ZNF611: variants seen among roughly 807,000 people sequenced by gnomAD.
The protein encoded by ZNF611 is zinc finger protein 611.
A neutral mutation model predicts 8.9 loss-of-function variants in ZNF611; 6 were observed. The ratio of observed to expected loss-of-function variants is 0.68; its 90% CI spans 0.37 to 1.34. The LOEUF (loss-of-function observed/expected upper bound fraction) is 1.34. ZNF611 is among the 40% of genes most tolerant of loss of function. The pLI is 0.02. For synonymous variants in ZNF611, 262 were observed against 279.7 expected (o/e 0.94, Z 0.63); for missense variants, 874 against 841.3 (o/e 1.04, Z -0.48).
chr19:52,707,386 G>C (rs1176553478), intron 5 of ZNF611: 1 of 151,536 alleles, frequency 6.6e-6, no homozygotes, highest in Non-Finnish European at 1.5e-5. Flanking sequence ...GATAAGAAAA[G>C]ATTACAAAAA....
chr19:52,728,656 C>G (rs1220732427), intron 3 of ZNF611, 74 bp downstream of exon 3: 1 of 152,188 alleles, frequency 6.6e-6, no homozygotes, highest in Non-Finnish European at 1.5e-5. Flanking sequence ...AAATCTCTTT[C>G]TTTATTTTCA....
Position 52,704,894 on chromosome 19 carries a change from G to C in ZNF611, c.*43C>G, listed in dbSNP as rs1335821161. On this transcript the variant is annotated 3_prime_UTR_variant, in exon 6 of 6. Coordinates refer to ENST00000652185, the MANE Select transcript of ZNF611 (RefSeq NM_001161499.2). ...AGTATAAATTCTCCTATGTCTTTAA[G>C]GTGTGATTTCCAAATGGAAACTTTG... 6.2e-7 allele frequency: 1 copy of C among 1,611,434 alleles called. No individual in the cohort carries two copies. Among genetic ancestry groups the C allele is most frequent in the South Asian group, 1.1e-5 (1 of 90,738 alleles).
intron 1 of ZNF611, among the ~76,000 whole-genome samples, chr19:52,734,547 G>T (rs1208794726): frequency 1.9e-5 from 1 of 52,530 alleles, no homozygotes; most frequent in East Asian, 7.9e-4. Context: ...GGGGGGGGGG[G>T]GCGCGACGGC....
chr19:52,713,488 G>T (rs147388223), intron 5 of ZNF611, among the ~76,000 whole-genome samples: 1 of 152,114 alleles, frequency 6.6e-6, no homozygotes, highest in Non-Finnish European at 1.5e-5. Flanking sequence ...TGATGTCCTC[G>T]CTGGGAGGAA....
intron 4 of ZNF611, among the ~76,000 whole-genome samples, chr19:52,715,007 A>G (rs2062307189): frequency 6.6e-6 from 1 of 152,050 alleles, no homozygotes; most frequent in African/African-American, 2.4e-5. Context: ...ACACACACAA[A>G]AACAAAACAA....
At chr19:52,731,050 C>T (rs1471727487) in intron 1 of ZNF611, among the ~76,000 whole-genome samples, 3 of 151,958 alleles carry the variant, frequency 2.0e-5, no homozygotes, top group African/African-American at 4.8e-5. Flanking sequence ...TGCATGCCAC[C>T]ACCCCTGGCT....
intron 3 of ZNF611, among the ~76,000 whole-genome samples, chr19:52,721,754 G>A (rs2062361755): frequency 1.3e-5 from 2 of 151,906 alleles, no homozygotes; most frequent in South Asian, 4.2e-4. Context: ...AGAGAGAGAG[G>A]GAGAGGGAGA....
At chr19:52,726,313 TC>T (rs2062392914) in intron 3 of ZNF611, among the ~76,000 whole-genome samples, 2 of 152,226 alleles carry the variant, frequency 1.3e-5, no homozygotes, top group African/African-American at 4.8e-5. Flanking sequence ...GGCGGGAGAA[TC>T]GCTGAACCTG....
At chr19:52,726,908 C>T (rs559770320) in intron 3 of ZNF611, among the ~76,000 whole-genome samples, 167 of 152,144 alleles carry the variant, frequency 1.1e-3, no homozygotes, top group Non-Finnish European at 1.1e-3. Context: ...CTCTGTGGCC[C>T]GTGCTGGGGT....
intron 1 of ZNF611, among the ~76,000 whole-genome samples, chr19:52,733,381 G>C (rs1391913425): frequency 6.6e-6 from 1 of 152,128 alleles, no homozygotes; most frequent in Non-Finnish European, 1.5e-5. Context: ...GCTCACTGCA[G>C]CCTGGACCTC....
Position 52,705,311 on chromosome 19 carries a change from C to G in ZNF611, c.1744G>C (p.Val582Leu), listed in dbSNP as rs1265296447. Residue 582 changes from valine (V) to leucine (L), a missense_variant, in exon 6 of 6, where the codon GTA (valine) becomes CTA (leucine). Val to Leu is a conservative substitution (Grantham distance 32). Coordinates refer to ENST00000652185, the MANE Select transcript of ZNF611 (RefSeq NM_001161499.2). Reference protein sequence around the residue: ...SKTFSHRSYLVCHHRVHSGEK... With the variant: ...SKTFSHRSYLLCHHRVHSGEK... The stretch of plus-strand genomic sequence containing the variant: ...CCACTATGAACTCTATGATGGCATA[C>G]AAGGTATGACCTGTGACTGAAGGTC... 1 of 1,613,822 alleles carries G rather than the reference C, an allele frequency of 6.2e-7. No individual in the cohort carries two copies. Among genetic ancestry groups the G allele is most frequent in the Non-Finnish European group, 8.5e-7 (1 of 1,179,934 alleles).
At chr19:52,720,550 T>G (rs1371156613) in intron 3 of ZNF611, among the ~76,000 whole-genome samples, 2 of 110,956 alleles carry the variant, frequency 1.8e-5, no homozygotes, top group Admixed American at 1.8e-4. Context: ...ACCTCCCAGA[T>G]GGGGCAGCCG....
intron 5 of ZNF611, among the ~76,000 whole-genome samples, 162 bp downstream of exon 5, chr19:52,713,853 T>A (rs2062296690): frequency 1.3e-5 from 2 of 152,126 alleles, no homozygotes; most frequent in South Asian, 4.1e-4. Flanking sequence ...ATCATACCAT[T>A]GCACTCCAGC....
intron 4 of ZNF611, among the ~76,000 whole-genome samples, chr19:52,714,426 G>A (rs1032737236): frequency 2.6e-5 from 4 of 151,964 alleles, no homozygotes; most frequent in Non-Finnish European, 5.9e-5. Context: ...GGCAGTTCAC[G>A]CTTGTAATCC....
At chr19:52,726,054 G>A (rs2062390741) in intron 3 of ZNF611, among the ~76,000 whole-genome samples, 1 of 152,222 alleles carries the variant, frequency 6.6e-6, no homozygotes, top group African/African-American at 2.4e-5. Flanking sequence ...CTGCCTGGGC[G>A]GAACATACGA....
Position 52,705,075 on chromosome 19 carries a change from C to T in ZNF611, c.1980G>A (p.Val660=). ...TATGTCTTGACAGGAGTGAATTACG[C>T]ACGAAAGCCTTGTCACAAATTGTAC... is the stretch of plus-strand genomic sequence containing the variant. The part of the protein sequence containing the change: ...YKCTICDKAF[V]RNSLLSRHTR... Residue 660 remains valine (V), a synonymous_variant, in exon 6 of 6, where the codon GTG becomes GTA. Transcript: ENST00000652185. The T allele has an allele frequency of 3.7e-6, 6 of 1,614,034 alleles. No individual in the cohort carries two copies. Among genetic ancestry groups the T allele is most frequent in the Non-Finnish European group, 5.1e-6 (6 of 1,180,024 alleles).
At chr19:52,712,165 G>T (rs2062284427) in intron 5 of ZNF611, among the ~76,000 whole-genome samples, 1 of 152,006 alleles carries the variant, frequency 6.6e-6, no homozygotes. Context: ...CTAGTTTCAG[G>T]CATGTACTCA....
intron 5 of ZNF611, among the ~76,000 whole-genome samples, chr19:52,712,435 A>G (rs1174758012): frequency 4.0e-5 from 5 of 123,974 alleles, no homozygotes; most frequent in Non-Finnish European, 8.0e-5. Flanking sequence ...GCCAGCATGC[A>G]TGGTGAAACA....
At chr19:52,708,809 C>A (rs756951743) in intron 5 of ZNF611, 1 of 152,092 alleles carries the variant, frequency 6.6e-6, no homozygotes, top group Non-Finnish European at 1.5e-5. Context: ...TGCACTCCAG[C>A]CTGGGTGACA....
Sources: gnomAD v4.1 joint callset for allele counts (sites outside exome capture counted in the v4.1 genomes callset) on GRCh38, gnomAD v4.1.1 for gene constraint, MANE v1.5 for transcripts, NCBI Gene and HGNC (gene_info 2026-07-23, HGNC 2026-07-21) for gene names.